The following ANK3 variants were observed in gnomAD, a reference collection of about 807,000 sequenced individuals.
ANK3 encodes ankyrin-3.
ANK3 carries 57 observed loss-of-function variants against 370.9 expected under a neutral mutation model. The observed-to-expected ratio is 0.15, with a 90% CI of 0.12 to 0.19. ANK3 has a LOEUF of 0.19. ANK3 is among the 10% of genes least tolerant of loss of function. ANK3 has a pLI of 1.00. For synonymous variants in ANK3, 1,929 were observed against 1,946.3 expected (o/e 0.99, Z 0.23); for missense variants, 4,439 against 5,302.1 (o/e 0.84, Z 5.06).
In ANK3 at chr10:60,261,975, C is replaced by T. The variant is rs370933384; in HGVS notation, c.700-18G>A. The T allele has an allele frequency of 4.4e-6, 7 of 1,603,098 alleles. No homozygotes were observed. In the African/African-American group the frequency reaches 8.0e-5, roughly 18 times the overall value. On this transcript the variant is annotated intron_variant, in intron 6 of 43. Transcript: ENST00000280772. ...AAGCCACTCTGTAAAGAAAACATAG[C>T]AGACATTCAATTGATTCCTGCCAGC...
chr10:60,572,515 G>A (rs565350673), intron 2 of ANK3: 2 of 1,534,362 alleles, frequency 1.3e-6, no homozygotes, highest in East Asian at 4.9e-5. Context: ...TTCTCCTTTG[G>A]TTCTTCACTC....
chr10:60,728,346 A>G (rs1451085432), intron 1 of ANK3, among the ~76,000 whole-genome samples: 1 of 152,214 alleles, frequency 6.6e-6, no homozygotes, highest in African/African-American at 2.4e-5. Flanking sequence ...GTTGGAACTA[A>G]CAAATGTTTG....
Position 60,108,831 on chromosome 10 carries a change from C to G in ANK3, c.3172G>C (p.Gly1058Arg). 6.2e-7 allele frequency: 1 copy of G among 1,613,190 alleles called. No homozygotes were observed. Among genetic ancestry groups the G allele is most frequent in the Non-Finnish European group, 8.5e-7 (1 of 1,179,276 alleles). ...GTTAAAATTGACAAAACAACTTACCCTAAAAATTGTGCCCCTGCAGGACCC... is the reference window on the plus strand; with the variant it reads ...GTTAAAATTGACAAAACAACTTACCGTAAAAATTGTGCCCCTGCAGGACCC... ...EMGPAGAQFL[G>R]PVIVEIPHFG... Residue 1058 changes from glycine (G) to arginine (R), a missense_variant and splice_region_variant, in exon 27 of 44, where the codon GGC (glycine) becomes CGC (arginine). By Grantham distance (125) the Gly-to-Arg change is moderately radical. This residue lies in a region of ANK3 where 702 missense variants were observed against 941.5 expected (regional missense o/e 0.75). Transcript: ENST00000280772.
intron 2 of ANK3, among the ~76,000 whole-genome samples, chr10:60,549,935 G>A (rs960896207): frequency 2.0e-5 from 3 of 151,958 alleles, no homozygotes; most frequent in Admixed American, 2.0e-4. Context: ...GTACCTAGAA[G>A]GAACATGCTA....
intron 1 of ANK3, among the ~76,000 whole-genome samples, chr10:60,372,320 T>C (rs2060207148): frequency 1.3e-5 from 2 of 152,170 alleles, no homozygotes; most frequent in Admixed American, 1.3e-4. Flanking sequence ...TATATTATGA[T>C]CTAGACAATC....
chr10:60,263,878 G>A lies in ANK3; in HGVS notation c.656C>T (p.Ala219Val). The stretch of plus-strand genomic sequence containing the variant: ...ATTGTTGTCATTCTGCAGCAGCAGG[G>A]CGGCGGCTTTCGTGTCGTCTTTTCG... ...AARKDDTKAA[A>V]LLLQNDNNAD... The change falls in exon 6 of 44, where the codon GCC becomes GTC. Residue 219 changes from alanine (A) to valine (V), a missense_variant. This residue lies in a region of ANK3 where 136 missense variants were observed against 230.5 expected (regional missense o/e 0.59). Transcript: ENST00000280772. 6.2e-7 allele frequency: 1 copy of A among 1,614,132 alleles called. No individual in the cohort carries two copies. The highest frequency in any genetic ancestry group is 8.5e-7 in the Non-Finnish European group (1 of 1,180,020).
chr10:60,095,404 G>A (rs928465641), intron 28 of ANK3, among the ~76,000 whole-genome samples: 1 of 152,188 alleles, frequency 6.6e-6, no homozygotes, highest in African/African-American at 2.4e-5. Flanking sequence ...TATTAGATAC[G>A]AGGTTTCACT....
At position 60,717,125 on chromosome 10, in the gene ANK3, G is replaced by A. The variant is rs999571720; in HGVS notation, c.57+16138C>T. On this transcript the variant is annotated intron_variant, in intron 1 of 43. Transcript: ENST00000373827. The stretch of plus-strand genomic sequence containing the variant: ...ACAATCACAATGTAAAGCAATGTGA[G>A]GCTACTTTTCACCAATCACCCTGGC... 1.8e-4 allele frequency among the ~76,000 whole-genome samples: 27 copies of A among 152,092 alleles called. 1 individual carries two copies. Among genetic ancestry groups the A allele is most frequent in the Admixed American group, 6.5e-5 (1 of 15,278 alleles).
chr10:60,378,941 A>C (rs2132821239), intron 1 of ANK3, among the ~76,000 whole-genome samples: 1 of 152,260 alleles, frequency 6.6e-6, no homozygotes, highest in Non-Finnish European at 1.5e-5. Flanking sequence ...AATGGGAGAA[A>C]ATATTTGCAA....
chr10:60,661,865 G>A (rs2078939833), intron 1 of ANK3, among the ~76,000 whole-genome samples: 1 of 152,082 alleles, frequency 6.6e-6, no homozygotes. Context: ...CTTCCTCTAA[G>A]TTAAATTTTT....
In ANK3 at chr10:60,080,635, A is replaced by G. The variant is rs780806655; in HGVS notation, c.4351-17T>C. The G allele has an allele frequency of 6.4e-7, 1 of 1,570,968 alleles. No individual in the cohort carries two copies. The highest frequency in any genetic ancestry group is 1.2e-5 in the South Asian group (1 of 83,022). The stretch of plus-strand genomic sequence containing the variant: ...TTTCTCAATCTGAAAAGGAAAAAAA[A>G]AAAGACAACTCTATTTCCAACTTCC... On this transcript the variant is annotated splice_polypyrimidine_tract_variant and intron_variant, in intron 35 of 43. Coordinates refer to ENST00000280772, the MANE Select transcript of ANK3 (RefSeq NM_020987.5).
chr10:60,330,361 G>T (rs1028536270), intron 1 of ANK3, among the ~76,000 whole-genome samples: 3 of 152,146 alleles, frequency 2.0e-5, no homozygotes, highest in Non-Finnish European at 4.4e-5. Flanking sequence ...CAGAATGGGA[G>T]AAAATGTTTG....
chr10:60,209,785 T>C, intron 9 of ANK3, among the ~76,000 whole-genome samples: 1 of 152,004 alleles, frequency 6.6e-6, no homozygotes, highest in Middle Eastern at 3.2e-3. Flanking sequence ...AGTAAACAAG[T>C]GAACAAACAA....
chr10:60,550,443 A>G (rs1301983326), intron 2 of ANK3, among the ~76,000 whole-genome samples: 1 of 151,948 alleles, frequency 6.6e-6, no homozygotes, highest in Non-Finnish European at 1.5e-5. Flanking sequence ...ATATATGCTT[A>G]GAGTTTTTAA....
intron 23 of ANK3, among the ~76,000 whole-genome samples, chr10:60,146,271 A>G (rs1282848261): frequency 1.3e-5 from 2 of 152,184 alleles, no homozygotes; most frequent in Non-Finnish European, 2.9e-5. Context: ...GTGAAGTAAC[A>G]AGGCAGGAAG....
chr10:60,520,974 C>T (rs1029456147), intron 2 of ANK3, among the ~76,000 whole-genome samples: 1 of 151,768 alleles, frequency 6.6e-6, no homozygotes. Context: ...ACTAGCTCAG[C>T]ACTCTATCTT....
intron 4 of ANK3, among the ~76,000 whole-genome samples, chr10:60,275,046 G>A (rs1402523524): frequency 1.3e-5 from 2 of 152,178 alleles, no homozygotes; most frequent in Non-Finnish European, 2.9e-5. Flanking sequence ...TGGATTGGGA[G>A]AATGGTCAGA....
At chr10:60,104,196 T>G (rs2091788344) in intron 28 of ANK3, among the ~76,000 whole-genome samples, 1 of 151,116 alleles carries the variant, frequency 6.6e-6, no homozygotes. Context: ...TTTACCTATA[T>G]AACAAACCTA....
chr10:60,136,915 C>T (rs1004727204), intron 24 of ANK3, among the ~76,000 whole-genome samples: 1 of 152,130 alleles, frequency 6.6e-6, no homozygotes, highest in Non-Finnish European at 1.5e-5. Flanking sequence ...GCCATCAGTA[C>T]ACCCTAAGTG....
Sources: gnomAD v4.1 joint callset for allele counts (sites outside exome capture counted in the v4.1 genomes callset) on GRCh38, gnomAD v4.1.1 for gene constraint, gnomAD v4.1.1 regional missense constraint, MANE v1.5 for transcripts, NCBI Gene and HGNC (gene_info 2026-07-23, HGNC 2026-07-21) for gene names.